The following CATSPER3 variants were observed in gnomAD, a reference collection of about 807,000 sequenced individuals.
The protein encoded by CATSPER3 is cation channel sperm associated 3.
Under a neutral mutation model 36.6 loss-of-function variants are expected in CATSPER3, and 23 were observed. The ratio of observed to expected loss-of-function variants is 0.63; its 90% CI spans 0.45 to 0.89. The LOEUF (loss-of-function observed/expected upper bound fraction) is 0.89, where lower values mean the gene tolerates loss of function less well. Among genes scored for constraint, CATSPER3 ranks in the 40% least tolerant of loss-of-function variants. The pLI, the probability that CATSPER3 is intolerant of heterozygous loss-of-function variation, is 0.00. For missense variants in CATSPER3, 474 were observed against 503.9 expected (o/e 0.94, Z 0.57); for synonymous variants, 172 against 184.1 (o/e 0.93, Z 0.53).
chr5:134,974,484 G>T (rs1054204731), intron 2 of CATSPER3, among the ~76,000 whole-genome samples: 19 of 152,098 alleles, frequency 1.2e-4, no homozygotes, highest in African/African-American at 4.6e-4. Context: ...ACATGTGAGG[G>T]GCTTCTGGGA....
chr5:135,006,092 G>T (rs1752082532), intron 3 of CATSPER3, among the ~76,000 whole-genome samples: 2 of 152,194 alleles, frequency 1.3e-5, no homozygotes, highest in African/African-American at 4.8e-5. Context: ...TCAAAACTTA[G>T]AACTTCCTCA....
chr5:134,973,949 A>G lies in CATSPER3; in HGVS notation c.252+3857A>G, dbSNP rs527516014. On this transcript the variant is annotated intron_variant, in intron 2 of 7. Transcript: ENST00000282611. ...CATTACTGACCTTATGTGAACTGCA[A>G]TACTGAGTAAGCATATAGTAGGTGA... Among the ~76,000 whole-genome samples the G allele has an allele frequency of 4.6e-5, 7 of 152,286 alleles. No homozygotes were observed. In the East Asian group the frequency reaches 9.6e-4, roughly 21 times the overall value.
At chr5:134,971,377 C>T (rs1053089275) in intron 2 of CATSPER3, among the ~76,000 whole-genome samples, 1 of 151,976 alleles carries the variant, frequency 6.6e-6, no homozygotes, top group Middle Eastern at 3.2e-3. Context: ...GCTGTGATTG[C>T]ACCACTGCAC....
At chr5:134,969,861 C>T (rs1357858259) in intron 1 of CATSPER3, 78 bp from the exon 2 acceptor site, 2 of 1,439,228 alleles carry the variant, frequency 1.4e-6, no homozygotes, top group Non-Finnish European at 2.0e-6. Flanking sequence ...GAGCCTTGTC[C>T]CTACAAAAAG....
At chr5:134,987,923 A>C (rs574145487) in intron 2 of CATSPER3, among the ~76,000 whole-genome samples, 21 of 152,332 alleles carry the variant, frequency 1.4e-4, no homozygotes, top group Middle Eastern at 3.4e-3. Flanking sequence ...ACGATTTAAC[A>C]TTGTACTGAA....
At chr5:134,968,824 C>G (rs967861483) in intron 1 of CATSPER3, 31 of 151,898 alleles carry the variant, frequency 2.0e-4, no homozygotes, top group Admixed American at 2.0e-3. Flanking sequence ...TTGCAAAGCA[C>G]AGATAAATGG....
chr5:134,999,125 T>C (rs2149551382), intron 3 of CATSPER3, among the ~76,000 whole-genome samples: 1 of 151,954 alleles, frequency 6.6e-6, no homozygotes, highest in Non-Finnish European at 1.5e-5. Context: ...TTCAGCTTTC[T>C]ACATATGGCT....
intron 2 of CATSPER3, among the ~76,000 whole-genome samples, chr5:134,989,525 G>A (rs1021240710): frequency 6.6e-5 from 10 of 152,190 alleles, no homozygotes; most frequent in Non-Finnish European, 1.2e-4. Flanking sequence ...TTTATGTTGT[G>A]GAGATAAGTT....
chr5:134,970,113 C>T (rs775251816), intron 2 of CATSPER3, 21 bp downstream of exon 2: 3 of 1,608,856 alleles, frequency 1.9e-6, no homozygotes, highest in Non-Finnish European at 8.5e-7. Flanking sequence ...AAAATGGGTC[C>T]ATTTTCTTCT....
At chr5:134,986,297 A>G (rs1054006395) in intron 2 of CATSPER3, among the ~76,000 whole-genome samples, 3 of 151,546 alleles carry the variant, frequency 2.0e-5, no homozygotes, top group Non-Finnish European at 4.4e-5. Flanking sequence ...GGCATGTGCC[A>G]CCACACCCAG....
intron 2 of CATSPER3, among the ~76,000 whole-genome samples, chr5:134,971,683 AG>A (rs1043635835): frequency 1.6e-4 from 24 of 152,180 alleles, no homozygotes; most frequent in African/African-American, 5.8e-4. Flanking sequence ...TAATTTTTGA[AG>A]GGGCTAGAGG....
chr5:135,010,257 TTCCAGGA>T, intron 6 of CATSPER3, 109 bp from the exon 7 acceptor site: 1 of 910,756 alleles, frequency 1.1e-6, no homozygotes, highest in Non-Finnish European at 1.8e-6. Context: ...TGAAGCTTCC[TTCCAGGA>T]CCAGGGTCAG....
At chr5:134,978,281 C>G (rs1228448852) in intron 2 of CATSPER3, among the ~76,000 whole-genome samples, 1 of 152,092 alleles carries the variant, frequency 6.6e-6, no homozygotes, top group Non-Finnish European at 1.5e-5. Context: ...TTGTATACTT[C>G]AAAATAGCTA....
At chr5:134,971,109 C>T (rs1229123207) in intron 2 of CATSPER3, among the ~76,000 whole-genome samples, 1 of 152,028 alleles carries the variant, frequency 6.6e-6, no homozygotes, top group Non-Finnish European at 1.5e-5. Context: ...GCCACAACGC[C>T]CGGCTAATTT....
chr5:134,970,072 C>T lies in CATSPER3; in HGVS notation c.232C>T (p.Arg78Cys), dbSNP rs765665127. Residue 78 changes from arginine (R) to cysteine (C), a missense_variant, in exon 2 of 8, where the codon CGC (arginine) becomes TGC (cysteine). Transcript: ENST00000282611. ...GTGGACCAGTTATGACATAAGGTACCGCTTGTTCAGACTTCTTGAGGTAAG... is the reference window on the plus strand; with the variant it reads ...GTGGACCAGTTATGACATAAGGTACTGCTTGTTCAGACTTCTTGAGGTAAG... ...ALWTSYDIRY[R>C]LFRLLEFSEI... is the part of the protein sequence containing the mutation. The T allele has an allele frequency of 3.7e-5, 59 of 1,613,892 alleles. No individual in the cohort carries two copies. In the Admixed American group the frequency reaches 5.5e-4, roughly 15 times the overall value.
chr5:134,990,586 T>C (rs1751866868), intron 2 of CATSPER3, among the ~76,000 whole-genome samples: 1 of 152,128 alleles, frequency 6.6e-6, no homozygotes, highest in African/African-American at 2.4e-5. Context: ...AGATCACTGA[T>C]CACAGATCAT....
chr5:135,008,982 G>A lies in CATSPER3; in HGVS notation c.816+1G>A. 1 of 1,614,106 alleles carries A rather than the reference G, an allele frequency of 6.2e-7. No homozygotes were observed. ...GGGTGTGATGATCATGCACACAGAG[G>A]TGAGGCCACACCTGTGAGGATCGGA... On this transcript the variant is annotated splice_donor_variant, in intron 5 of 7. Coordinates refer to ENST00000282611, the MANE Select transcript of CATSPER3 (RefSeq NM_178019.3). LOFTEE classifies it high-confidence loss of function.
intron 2 of CATSPER3, among the ~76,000 whole-genome samples, chr5:134,993,325 T>C (rs1213137716): frequency 2.0e-5 from 3 of 152,210 alleles, no homozygotes; most frequent in Non-Finnish European, 2.9e-5. Flanking sequence ...TGAGAACTTA[T>C]TGTTTATTGG....
chr5:134,985,515 A>G (rs1213744031), intron 2 of CATSPER3, among the ~76,000 whole-genome samples: 1 of 152,140 alleles, frequency 6.6e-6, no homozygotes, highest in Non-Finnish European at 1.5e-5. Flanking sequence ...TGATGGGTGC[A>G]TCCAAGTAGT....
Sources: gnomAD v4.1 joint callset for allele counts (sites outside exome capture counted in the v4.1 genomes callset) on GRCh38, gnomAD v4.1.1 for gene constraint, MANE v1.5 for transcripts, NCBI Gene and HGNC (gene_info 2026-07-23, HGNC 2026-07-21) for gene names.